CDC42BPB: variants seen among roughly 807,000 people sequenced by gnomAD.
CDC42BPB encodes the protein serine/threonine-protein kinase MRCK beta.
CDC42BPB carries 37 observed loss-of-function variants against 214.9 expected under a neutral mutation model. That is an observed-to-expected ratio of 0.17 (90% confidence interval 0.13 to 0.23). CDC42BPB has a LOEUF of 0.23. CDC42BPB is among the 10% of genes least tolerant of loss of function. The pLI, the probability that CDC42BPB is intolerant of heterozygous loss-of-function variation, is 1.00. For synonymous variants in CDC42BPB, 931 were observed against 884.0 expected (o/e 1.05, Z -0.94); for missense variants, 1,694 against 2,227.0 (o/e 0.76, Z 4.82).
rs34376891 is a variant in CDC42BPB at position 102,934,218 on chromosome 14, G to GTA, written c.5005-377_5005-376dup. On this transcript the variant is annotated intron_variant, in intron 36 of 36. Coordinates refer to ENST00000361246, the MANE Select transcript of CDC42BPB (RefSeq NM_006035.4). ...GTTTGAGACCAGCCTGGCCAATGTG[G>GTA]TAACACCCCATCTCTACTGAAAACA... The GTA allele has an allele frequency of 6.2e-3, 1,207 of 196,066 alleles. 58 individuals carry two copies. In the Admixed American group the frequency reaches 0.073, roughly 12 times the overall value. The allele number at this position is 196,066 out of a possible 1,614,324, so 12.1% of individuals were successfully genotyped here.
chr14:102,961,832 C>T (rs150187561), intron 20 of CDC42BPB, among the ~76,000 whole-genome samples: 1,719 of 152,204 alleles, frequency 0.011, 18 homozygotes, highest in Non-Finnish European at 0.015. Flanking sequence ...CGTGAGCCAC[C>T]GCACCGGCTG....
chr14:102,946,521 G>C lies in CDC42BPB; in HGVS notation c.3695C>G (p.Ala1232Gly). The change falls in exon 28 of 37, where the codon GCC (alanine) becomes GGC (glycine). Residue 1232 changes from alanine to glycine, a missense_variant. Around this residue, in one of 7 missense-constraint regions of CDC42BPB, gnomAD observed 567 missense variants for 790.3 expected, o/e 0.72. Transcript: ENST00000361246. Reference sequence around the variant, plus strand: ...GATGAGAGGCAGCGAGCTGTCGTAGGCTTCCAAGGGAACATGCACGACCTG... The same window carrying C: ...GATGAGAGGCAGCGAGCTGTCGTAGCCTTCCAAGGGAACATGCACGACCTG... ...RNQVVHVPLE[A>G]YDSSLPLIKA... The C allele has an allele frequency of 6.2e-7, 1 of 1,612,782 alleles. No homozygotes were observed. Among genetic ancestry groups the C allele is most frequent in the Non-Finnish European group, 8.5e-7 (1 of 1,179,950 alleles).
chr14:102,937,967 T>C lies in CDC42BPB; in HGVS notation c.5004+137A>G, dbSNP rs1037732901. The C allele has an allele frequency of 8.8e-6, 8 of 905,872 alleles. No homozygotes were observed. In the Admixed American group the frequency reaches 1.2e-4, roughly 14 times the overall value. 56.1% of individuals were successfully genotyped at this position (905,872 alleles called of 1,614,324 possible). On this transcript the variant is annotated intron_variant, in intron 36 of 36. Coordinates refer to ENST00000361246, the MANE Select transcript of CDC42BPB (RefSeq NM_006035.4). ...GGGAGGGGACAGCCACCCCGACCCC[T>C]GCCCCCGTCACCCTCACACCGCAAG...
chr14:103,008,673 G>T, intron 2 of CDC42BPB, 118 bp from the exon 3 acceptor site: 1 of 1,474,874 alleles, frequency 6.8e-7, no homozygotes. Context: ...AGCAGTGACC[G>T]AAAGCCAAGT....
At chr14:103,053,608 A>AAAC (rs1224765163) in intron 1 of CDC42BPB, among the ~76,000 whole-genome samples, 2 of 150,120 alleles carry the variant, frequency 1.3e-5, no homozygotes, top group Non-Finnish European at 3.0e-5. Context: ...AAAAATACAA[A>AAAC]AAAATTAGCC....
chr14:103,006,696 G>A (rs1016784946), intron 3 of CDC42BPB, among the ~76,000 whole-genome samples: 1 of 151,998 alleles, frequency 6.6e-6, no homozygotes, highest in African/African-American at 2.4e-5. Context: ...AAAATAAAAA[G>A]ATAAATTATT....
At chr14:102,995,910 C>G (rs1894708468) in intron 5 of CDC42BPB, among the ~76,000 whole-genome samples, 1 of 152,198 alleles carries the variant, frequency 6.6e-6, no homozygotes, top group Admixed American at 6.5e-5. Context: ...CTAGAAAAAT[C>G]TCTGTTCTAT....
intron 5 of CDC42BPB, among the ~76,000 whole-genome samples, chr14:102,989,075 T>C (rs937439453): frequency 3.9e-5 from 6 of 152,114 alleles, no homozygotes; most frequent in African/African-American, 1.4e-4. Context: ...CTTTAAGAAT[T>C]GGGGGAAAAA....
intron 5 of CDC42BPB, among the ~76,000 whole-genome samples, chr14:102,988,950 C>A (rs1398066242): frequency 6.8e-6 from 1 of 146,604 alleles, no homozygotes; most frequent in African/African-American, 2.5e-5. Context: ...CGATTATGTA[C>A]AAAAATGTTT....
intron 1 of CDC42BPB, among the ~76,000 whole-genome samples, chr14:103,054,619 G>A (rs983849589): frequency 6.6e-6 from 1 of 152,210 alleles, no homozygotes; most frequent in African/African-American, 2.4e-5. Context: ...GAGTTACAAT[G>A]ACGTATATGT....
rs755719109 is a variant in CDC42BPB, at chr14:102,971,973, C to T, written c.1830G>A (p.Gln610=). 1 of 1,614,278 alleles carries T rather than the reference C, an allele frequency of 6.2e-7. No individual in the cohort carries two copies. The highest frequency in any genetic ancestry group is 8.5e-7 in the Non-Finnish European group (1 of 1,180,052). Residue 610 remains glutamine (Q), a synonymous_variant, in exon 13 of 37, where the codon CAG becomes CAA. Transcript: ENST00000361246. ...DKEEEMEVAT[Q]KVDAMRQEMR... Reference sequence around the variant, plus strand: ...TTTCCTGCCGCATGGCGTCCACCTTCTGCGTGGCCACCTCCATCTCCTCCT... The same window carrying T: ...TTTCCTGCCGCATGGCGTCCACCTTTTGCGTGGCCACCTCCATCTCCTCCT...
intron 1 of CDC42BPB, among the ~76,000 whole-genome samples, chr14:103,029,838 AC>A (rs1359362475): frequency 7.2e-6 from 1 of 139,254 alleles, no homozygotes; most frequent in Non-Finnish European, 1.5e-5. Flanking sequence ...CAGCCTAGTG[AC>A]AGAGGGAGAC....
intron 4 of CDC42BPB, among the ~76,000 whole-genome samples, chr14:103,002,666 C>T (rs1029949522): frequency 6.6e-6 from 1 of 152,100 alleles, no homozygotes; most frequent in East Asian, 1.9e-4. Context: ...ACCTGCTCGC[C>T]AGGCTGGGGC....
chr14:102,981,328 G>A (rs1211760695), intron 7 of CDC42BPB: 6 of 315,182 alleles, frequency 1.9e-5, no homozygotes, highest in Admixed American at 1.3e-4. Flanking sequence ...GCGCAGCCCC[G>A]TCAGAATGCA....
chr14:103,052,059 C>A (rs992112111), intron 1 of CDC42BPB, among the ~76,000 whole-genome samples: 1 of 152,162 alleles, frequency 6.6e-6, no homozygotes, highest in African/African-American at 2.4e-5. Context: ...CCAGGCTGGT[C>A]TCAAACTCCT....
At chr14:103,010,619 T>A (rs1272419769) in intron 2 of CDC42BPB, among the ~76,000 whole-genome samples, 1 of 152,220 alleles carries the variant, frequency 6.6e-6, no homozygotes, top group Admixed American at 6.5e-5. Flanking sequence ...GCTGCTGGGA[T>A]GTGACACAGG....
intron 5 of CDC42BPB, among the ~76,000 whole-genome samples, chr14:102,991,999 A>C (rs1328950846): frequency 6.6e-6 from 1 of 152,212 alleles, no homozygotes; most frequent in African/African-American, 2.4e-5. Context: ...TTGTTGCACC[A>C]GCCACGTTTT....
intron 6 of CDC42BPB, chr14:102,983,993 C>A: frequency 2.1e-6 from 1 of 477,934 alleles, no homozygotes; most frequent in Non-Finnish European, 2.7e-6. Context: ...AGCTCAAGGC[C>A]AACACGGGCA....
At chr14:103,003,810 G>C (rs997053189) in intron 4 of CDC42BPB, 118 bp downstream of exon 4, 19 of 733,822 alleles carry the variant, frequency 2.6e-5, no homozygotes, top group Non-Finnish European at 3.9e-5. Context: ...GTTTTATCGA[G>C]TCCAATACAC....
Sources: allele counts gnomAD v4.1 joint callset (sites outside exome capture counted in the v4.1 genomes callset), GRCh38; gene constraint gnomAD v4.1.1; regional missense constraint gnomAD v4.1.1; transcripts MANE v1.5; gene names NCBI Gene and HGNC (gene_info 2026-07-23, HGNC 2026-07-21).